Variants in FAT3 observed in about 807,000 individuals in gnomAD.
The protein encoded by FAT3 is protocadherin Fat 3.
In FAT3, 95 loss-of-function variants were observed where a neutral mutation model predicts 310.2. The observed-to-expected ratio is 0.31, with a 90% CI of 0.26 to 0.36. The LOEUF (loss-of-function observed/expected upper bound fraction) is 0.36, where lower values mean the gene tolerates loss of function less well. Ranked by LOEUF, FAT3 falls within the 10% of genes least tolerant of loss-of-function variation. The pLI, the probability that FAT3 is intolerant of heterozygous loss-of-function variation, is 1.00. For missense variants in FAT3, 5,408 were observed against 5,715.6 expected (o/e 0.95, Z 1.74); for synonymous variants, 2,314 against 2,192.9 (o/e 1.06, Z -1.54).
chr11:92,351,006 G>C (rs1051556595), intron 1 of FAT3, among the ~76,000 whole-genome samples: 2 of 152,004 alleles, frequency 1.3e-5, no homozygotes, highest in Admixed American at 6.6e-5. Context: ...CTCCTTGATT[G>C]ATTTTACTGG....
intron 13 of FAT3, among the ~76,000 whole-genome samples, chr11:92,810,429 CA>C (rs1224592774): frequency 6.6e-6 from 1 of 152,110 alleles, no homozygotes; most frequent in African/African-American, 2.4e-5. Context: ...TAAACATAGT[CA>C]AAAGGCTATG....
intron 2 of FAT3, among the ~76,000 whole-genome samples, chr11:92,518,764 A>G (rs1459056578): frequency 6.6e-6 from 1 of 152,184 alleles, no homozygotes. Flanking sequence ...CTAAAATTAA[A>G]CAATTGACAT....
chr11:92,548,855 AC>A (rs1348977172), intron 3 of FAT3, among the ~76,000 whole-genome samples: 1 of 152,186 alleles, frequency 6.6e-6, no homozygotes, highest in Non-Finnish European at 1.5e-5. Context: ...AAGTGATAAG[AC>A]TGGTTATTTG....
intron 3 of FAT3, among the ~76,000 whole-genome samples, chr11:92,539,037 C>A (rs987522239): frequency 6.6e-6 from 1 of 152,094 alleles, no homozygotes; most frequent in African/African-American, 2.4e-5. Flanking sequence ...TTACCTCCCA[C>A]CACTTAAGTA....
chr11:92,521,947 A>T lies in FAT3; in HGVS notation c.3293-2687A>T, dbSNP rs16917647. 0.01 allele frequency among the ~76,000 whole-genome samples: 1,539 copies of T among 152,156 alleles called. 44 individuals are homozygous for T. The East Asian group carries it at 0.1, about 10-fold the overall frequency. ...GGGTATGCATTTATCCCCTCAGTAC[A>T]GATCTCCTTAATAAAGATCTGTGTT... On this transcript the variant is annotated intron_variant, in intron 2 of 27. Transcript: ENST00000525166.
chr11:92,793,092 T>G (rs1156246752), intron 9 of FAT3, 115 bp downstream of exon 9: 1 of 1,105,970 alleles, frequency 9.0e-7, no homozygotes, highest in Non-Finnish European at 1.3e-6. Flanking sequence ...CTAAATGAAC[T>G]TTTTTGGCCA....
chr11:92,669,558 A>G (rs1172616086), intron 3 of FAT3, among the ~76,000 whole-genome samples: 1 of 152,230 alleles, frequency 6.6e-6, no homozygotes, highest in Admixed American at 6.5e-5. Flanking sequence ...TGCTTTAAAG[A>G]CAATACCAGT....
intron 2 of FAT3, among the ~76,000 whole-genome samples, chr11:92,447,401 A>T (rs1951247076): frequency 2.0e-5 from 3 of 151,998 alleles, no homozygotes. Flanking sequence ...GAGAACAGTA[A>T]TGCCTACTTG....
At chr11:92,230,568 A>C (rs1864133352) in intron 1 of FAT3, among the ~76,000 whole-genome samples, 1 of 152,206 alleles carries the variant, frequency 6.6e-6, no homozygotes, top group Admixed American at 6.5e-5. Flanking sequence ...TGCTCGGATT[A>C]GAGGCATGAG....
chr11:92,363,818 A>G (rs1315636636), intron 2 of FAT3, among the ~76,000 whole-genome samples: 4 of 152,022 alleles, frequency 2.6e-5, no homozygotes, highest in Non-Finnish European at 5.9e-5. Flanking sequence ...TATTTGAGAG[A>G]AAAAAAATAA....
intron 22 of FAT3, among the ~76,000 whole-genome samples, chr11:92,872,254 A>G (rs1949408854): frequency 6.6e-6 from 1 of 152,224 alleles, no homozygotes; most frequent in East Asian, 1.9e-4. Flanking sequence ...ACTTTAATTA[A>G]GTACCTCCTT....
rs553745046 is a variant in FAT3, at chr11:92,277,033, C to T, written c.-18+51859C>T. On this transcript the variant is annotated intron_variant, in intron 1 of 27. Transcript: ENST00000525166. ...GCTTATTTTTTAGTGGGCCCACATA[C>T]TTTTGCACCTAGCAGTTGCTAGGTG... Among the ~76,000 whole-genome samples, 364 of 152,104 alleles carry T rather than the reference C, an allele frequency of 2.4e-3. 3 individuals are homozygous for T. Among genetic ancestry groups the T allele is most frequent in the Non-Finnish European group, 1.7e-3 (118 of 67,980 alleles).
At chr11:92,420,636 CTAA>C (rs72307729) in intron 2 of FAT3, among the ~76,000 whole-genome samples, 7,250 of 152,148 alleles carry the variant, frequency 0.048, 529 homozygotes, top group African/African-American at 0.15. Context: ...TAAATCTTTA[CTAA>C]TAATTTAAAT....
At chr11:92,324,870 A>C (rs1947724561) in intron 1 of FAT3, among the ~76,000 whole-genome samples, 1 of 152,238 alleles carries the variant, frequency 6.6e-6, no homozygotes, top group Non-Finnish European at 1.5e-5. Context: ...ACTGATGAAA[A>C]GACCAATTAC....
At chr11:92,544,078 TG>T (rs1231855356) in intron 3 of FAT3, among the ~76,000 whole-genome samples, 2 of 152,222 alleles carry the variant, frequency 1.3e-5, no homozygotes, top group Admixed American at 1.3e-4. Context: ...GAAGCTATTT[TG>T]TGTGAGATCC....
chr11:92,414,461 T>C (rs974296338), intron 2 of FAT3, among the ~76,000 whole-genome samples: 2 of 152,210 alleles, frequency 1.3e-5, no homozygotes, highest in East Asian at 1.9e-4. Context: ...AGCTCAGTCA[T>C]TGGTGGCTTT....
chr11:92,433,769 G>T (rs1430355177), intron 2 of FAT3, among the ~76,000 whole-genome samples: 1 of 152,038 alleles, frequency 6.6e-6, no homozygotes, highest in African/African-American at 2.4e-5. Context: ...TCAGCAGTTT[G>T]GGAGGCCGAG....
chr11:92,256,704 G>C (rs1017749598), intron 1 of FAT3, among the ~76,000 whole-genome samples: 1 of 152,084 alleles, frequency 6.6e-6, no homozygotes, highest in Non-Finnish European at 1.5e-5. Context: ...AGGATGTTTT[G>C]TGAAAAGCAT....
chr11:92,325,044 G>A (rs909153657), intron 1 of FAT3, among the ~76,000 whole-genome samples: 2 of 152,220 alleles, frequency 1.3e-5, no homozygotes, highest in African/African-American at 4.8e-5. Context: ...GTTAAATTAT[G>A]TCAAGTCTCT....
Sources: gnomAD v4.1 joint callset for allele counts (sites outside exome capture counted in the v4.1 genomes callset) on GRCh38, gnomAD v4.1.1 for gene constraint, MANE v1.5 for transcripts, NCBI Gene and HGNC (gene_info 2026-07-23, HGNC 2026-07-21) for gene names.